HPGDS: variants seen among roughly 807,000 people sequenced by gnomAD.
HPGDS encodes the protein GST class-sigma.
In HPGDS, 26 loss-of-function variants were observed where a neutral mutation model predicts 23.1. The ratio of observed to expected loss-of-function variants is 1.13; its 90% CI spans 0.83 to 1.56. HPGDS has a LOEUF of 1.56. Among genes scored for constraint, HPGDS ranks in the 40% most tolerant of loss-of-function variants. The pLI, the probability that HPGDS is intolerant of heterozygous loss-of-function variation, is 0.00. For synonymous variants in HPGDS, 95 were observed against 77.9 expected (o/e 1.22, Z -1.16); for missense variants, 268 against 236.4 (o/e 1.13, Z -0.88).
intron 3 of HPGDS, among the ~76,000 whole-genome samples, chr4:94,314,801 C>T (rs1290833775): frequency 1.3e-5 from 2 of 152,202 alleles, no homozygotes; most frequent in Admixed American, 6.5e-5. Flanking sequence ...TTCGAGCTTC[C>T]TGGCAGCTTT....
chr4:94,308,678 A>T lies in HPGDS; in HGVS notation c.292T>A (p.Phe98Ile), dbSNP rs751790174. 6 of 1,609,662 alleles carry T rather than the reference A, an allele frequency of 3.7e-6. No homozygotes were observed. Among genetic ancestry groups the T allele is most frequent in the Non-Finnish European group, 5.1e-6 (6 of 1,177,062 alleles). Residue 98 changes from phenylalanine (F) to isoleucine (I), a missense_variant, in exon 4 of 6, where the codon TTC becomes ATC. Phe to Ile is a conservative substitution (Grantham distance 21). Transcript: ENST00000295256. ...VDAIVDTLDD[F>I]MSCFPWAEKK... ...TCTGCCCAAGGAAAACATGACATGA[A>T]ATCATCCAGAGTGTCCACAATAGCA...
At chr4:94,337,176 G>A (rs1277785925) in intron 1 of HPGDS, among the ~76,000 whole-genome samples, 2 of 152,006 alleles carry the variant, frequency 1.3e-5, no homozygotes, top group Admixed American at 1.3e-4. Flanking sequence ...ATGTTGGCCA[G>A]ACTGGTCTCA....
At chr4:94,308,115 A>G (rs1253680689) in intron 4 of HPGDS, among the ~76,000 whole-genome samples, 1 of 152,154 alleles carries the variant, frequency 6.6e-6, no homozygotes, top group African/African-American at 2.4e-5. Context: ...AAATTCATTT[A>G]TGTTTCATTT....
chr4:94,312,700 C>CT (rs1326402802), intron 3 of HPGDS, among the ~76,000 whole-genome samples: 1 of 152,110 alleles, frequency 6.6e-6, no homozygotes, highest in East Asian at 1.9e-4. Flanking sequence ...TCCTTGTTAA[C>CT]TTTCTGTCTC....
At chr4:94,302,297 G>C in intron 4 of HPGDS, 53 bp from the exon 5 acceptor site, 1 of 1,208,102 alleles carries the variant, frequency 8.3e-7, no homozygotes, top group Non-Finnish European at 1.2e-6. Context: ...AAAGTAACAT[G>C]ATCTGAGGAG....
intron 1 of HPGDS, among the ~76,000 whole-genome samples, chr4:94,338,829 G>A (rs1721077930): frequency 6.6e-6 from 1 of 152,112 alleles, no homozygotes; most frequent in Non-Finnish European, 1.5e-5. Flanking sequence ...CAAAATGATT[G>A]TCTATATTTA....
intron 2 of HPGDS, among the ~76,000 whole-genome samples, chr4:94,319,565 G>A (rs1756462225): frequency 6.6e-6 from 1 of 152,100 alleles, no homozygotes; most frequent in South Asian, 2.1e-4. Context: ...GTTATCTATA[G>A]TAATAACTTT....
intron 3 of HPGDS, among the ~76,000 whole-genome samples, chr4:94,313,738 A>C (rs1756332182): frequency 6.6e-6 from 1 of 152,192 alleles, no homozygotes; most frequent in South Asian, 2.1e-4. Context: ...AGTGTTTTCC[A>C]ACTTGGTTCC....
At position 94,330,264 on chromosome 4, in the gene HPGDS, T is replaced by G. The variant is rs75085482; in HGVS notation, c.133+4233A>C. On this transcript the variant is annotated intron_variant, in intron 2 of 5. Transcript: ENST00000295256. ...AGAAGTAGAGTCAGGGATGGGAAAG[T>G]TGGACTAAAATTCACAATGATGATC... Among the ~76,000 whole-genome samples the G allele has an allele frequency of 8.5e-5, 13 of 152,212 alleles. No individual in the cohort carries two copies. The East Asian group carries it at 2.1e-3, about 25-fold the overall frequency.
intron 2 of HPGDS, among the ~76,000 whole-genome samples, chr4:94,322,491 G>C (rs990391166): frequency 6.6e-6 from 1 of 152,122 alleles, no homozygotes; most frequent in African/African-American, 2.4e-5. Flanking sequence ...TTATTTTGGG[G>C]AAGGTGTATG....
At chr4:94,329,997 C>T (rs1170521160) in intron 2 of HPGDS, among the ~76,000 whole-genome samples, 1 of 152,182 alleles carries the variant, frequency 6.6e-6, no homozygotes, top group African/African-American at 2.4e-5. Context: ...ATGATGGTCC[C>T]ATTTTGCTCT....
At position 94,299,111 on chromosome 4, in the gene HPGDS, G is replaced by A. The variant is rs1002638494; in HGVS notation, c.*369C>T. 2.3e-5 allele frequency: 4 copies of A among 174,678 alleles called. No individual in the cohort carries two copies. The highest frequency in any genetic ancestry group is 4.9e-5 in the Non-Finnish European group (4 of 81,666). The allele number at this position is 174,678 out of a possible 1,614,324, so 10.8% of individuals were successfully genotyped here. On this transcript the variant is annotated 3_prime_UTR_variant, in exon 6 of 6. Transcript: ENST00000295256. ...AACTGGAGAGCTACTAGCAAAGTTT[G>A]TGTTTTATGCAATTACAGGTAATTG...
intron 3 of HPGDS, among the ~76,000 whole-genome samples, chr4:94,309,766 T>C (rs1756222316): frequency 1.3e-5 from 2 of 151,384 alleles, no homozygotes; most frequent in Admixed American, 6.6e-5. Context: ...AGTGTTCCTA[T>C]TTCTCCACAT....
intron 3 of HPGDS, among the ~76,000 whole-genome samples, chr4:94,314,890 G>T (rs1362246212): frequency 6.6e-6 from 1 of 152,206 alleles, no homozygotes; most frequent in Non-Finnish European, 1.5e-5. Context: ...ATCTCAGACT[G>T]CTGTGCTAGC....
chr4:94,302,415 A>G (rs1338210845), intron 4 of HPGDS, among the ~76,000 whole-genome samples, 171 bp from the exon 5 acceptor site: 3 of 152,152 alleles, frequency 2.0e-5, no homozygotes, highest in Non-Finnish European at 4.4e-5. Context: ...CTGATTCTCT[A>G]TAGATGTGAG....
At chr4:94,328,290 A>G (rs1473785850) in intron 2 of HPGDS, among the ~76,000 whole-genome samples, 1 of 152,190 alleles carries the variant, frequency 6.6e-6, no homozygotes, top group Non-Finnish European at 1.5e-5. Context: ...ATGTGTGGTT[A>G]TCTACTTGCT....
intron 5 of HPGDS, among the ~76,000 whole-genome samples, chr4:94,300,909 G>GTC (rs1229135481): frequency 1.3e-5 from 2 of 152,172 alleles, no homozygotes; most frequent in Admixed American, 1.3e-4. Context: ...TGTGAGTTAG[G>GTC]TCTGAGGGAC....
chr4:94,340,287 T>TTCTC (rs1560597876), intron 1 of HPGDS, among the ~76,000 whole-genome samples: 2 of 70,628 alleles, frequency 2.8e-5, no homozygotes, highest in Non-Finnish European at 6.3e-5. Flanking sequence ...CTTTCTTTCT[T>TTCTC]TCTTTCTTTC....
At chr4:94,325,431 G>T (rs1004234246) in intron 2 of HPGDS, among the ~76,000 whole-genome samples, 1 of 152,268 alleles carries the variant, frequency 6.6e-6, no homozygotes, top group Non-Finnish European at 1.5e-5. Flanking sequence ...GCTGCAGTAG[G>T]CTCCACCCAG....
Sources: allele counts gnomAD v4.1 joint callset (sites outside exome capture counted in the v4.1 genomes callset), GRCh38; gene constraint gnomAD v4.1.1; transcripts MANE v1.5; gene names NCBI Gene and HGNC (gene_info 2026-07-23, HGNC 2026-07-21).